SUCLG1: variants seen among roughly 807,000 people sequenced by gnomAD.
The protein encoded by SUCLG1 is succinate--CoA ligase [ADP/GDP-forming] subunit alpha, mitochondrial.
In SUCLG1, 26 loss-of-function variants were observed where a neutral mutation model predicts 37.3. The ratio of observed to expected loss-of-function variants is 0.70; its 90% CI spans 0.51 to 0.97. The LOEUF is 0.97. Ranked by LOEUF, SUCLG1 falls within the 50% of genes least tolerant of loss-of-function variation. The pLI, the probability that SUCLG1 is intolerant of heterozygous loss-of-function variation, is 0.00. For missense variants in SUCLG1, 433 were observed against 432.9 expected (o/e 1.00, Z 0.00); for synonymous variants, 163 against 155.6 (o/e 1.05, Z -0.36).
chr2:84,436,602 A>C (rs1672690427), intron 5 of SUCLG1, among the ~76,000 whole-genome samples: 1 of 152,244 alleles, frequency 6.6e-6, no homozygotes, highest in East Asian at 1.9e-4. Context: ...GAAAAAAGGG[A>C]AGGATAAATT....
chr2:84,450,425 A>C (rs1672922657), intron 1 of SUCLG1, among the ~76,000 whole-genome samples: 2 of 151,952 alleles, frequency 1.3e-5, no homozygotes, highest in African/African-American at 2.4e-5. Context: ...AAAAAAAAAA[A>C]AAAAACCCTA....
At chr2:84,430,283 T>C (rs1672595717) in intron 7 of SUCLG1, among the ~76,000 whole-genome samples, 1 of 152,170 alleles carries the variant, frequency 6.6e-6, no homozygotes, top group African/African-American at 2.4e-5. Context: ...AACTTCGCAG[T>C]CCTTACAATA....
chr2:84,458,103 A>T (rs998179550), intron 1 of SUCLG1, among the ~76,000 whole-genome samples: 18 of 151,888 alleles, frequency 1.2e-4, no homozygotes, highest in Admixed American at 6.6e-5. Context: ...GATGCTTTAT[A>T]TAAATTGCTC....
At position 84,425,482 on chromosome 2, in the gene SUCLG1, G is replaced by C; in HGVS notation, c.947C>G (p.Ser316Cys). 1.9e-6 allele frequency: 3 copies of C among 1,614,210 alleles called. No individual in the cohort carries two copies. In the South Asian group the frequency reaches 3.3e-5, roughly 18 times the overall value. Reference sequence around the variant, plus strand: ...CACAACTCCTGCACTCTGAAGGGCAGAGATCTTCTCTTTAGCTCCACCTTT... The same window carrying C: ...CACAACTCCTGCACTCTGAAGGGCACAGATCTTCTCTTTAGCTCCACCTTT... ...GGKGGAKEKI[S>C]ALQSAGVVVS... Residue 316 changes from serine (S) to cysteine (C), a missense_variant, in exon 8 of 9, where the codon TCT becomes TGT. Transcript: ENST00000393868.
At chr2:84,441,652 A>G (rs1278423757) in intron 3 of SUCLG1, among the ~76,000 whole-genome samples, 193 bp from the exon 4 acceptor site, 4 of 152,168 alleles carry the variant, frequency 2.6e-5, no homozygotes, top group Non-Finnish European at 4.4e-5. Flanking sequence ...TTCTCAGCCC[A>G]TTTGAATGCC....
chr2:84,445,280 C>T (rs556118292), intron 2 of SUCLG1, among the ~76,000 whole-genome samples: 31 of 152,298 alleles, frequency 2.0e-4, no homozygotes, highest in Non-Finnish European at 3.8e-4. Context: ...TGGCTTCAGC[C>T]GGTCCCTCCG....
At chr2:84,425,903 G>A in intron 7 of SUCLG1, 1 of 398,090 alleles carries the variant, frequency 2.5e-6, no homozygotes, top group Non-Finnish European at 4.7e-6. Context: ...AGAGCATACT[G>A]GAAAATATGA....
chr2:84,423,570 A>G lies in SUCLG1; in HGVS notation c.*176T>C, dbSNP rs1443309393. ...ATTTATTGGCTGTCTCTGTAATACA[A>G]TGTGGTGAAAACATCTTAATTCAGG... On this transcript the variant is annotated 3_prime_UTR_variant, in exon 9 of 9. Transcript: ENST00000393868. 1.2e-5 allele frequency: 8 copies of G among 679,962 alleles called. No homozygotes were observed. In the East Asian group the frequency reaches 1.6e-4, roughly 14 times the overall value. The allele number at this position is 679,962 out of a possible 1,614,324, so 42.1% of individuals were successfully genotyped here. A position where few individuals can be genotyped will look rare whatever the true frequency, so the allele number is the denominator to read the frequency against.
chr2:84,431,565 A>G lies in SUCLG1; in HGVS notation c.768T>C (p.Gly256=), dbSNP rs1239390945. Residue 256 remains glycine, a synonymous_variant, in exon 7 of 9, where the codon GGT becomes GGC. Coordinates refer to ENST00000393868, the MANE Select transcript of SUCLG1 (RefSeq NM_003849.4). ...TCTCTTCTGCATTACCACCAATTTCACCAATCAATATGATGCCTTCTGTGG... is the reference window on the plus strand; with the variant it reads ...TCTCTTCTGCATTACCACCAATTTCGCCAATCAATATGATGCCTTCTGTGG... The part of the protein sequence containing the change: ...DSATEGIILI[G]EIGGNAEENA... 1 of 1,614,046 alleles carries G rather than the reference A, an allele frequency of 6.2e-7. No individual in the cohort carries two copies.
Position 84,436,204 on chromosome 2 carries a change from G to A in SUCLG1, c.590-2769C>T, listed in dbSNP as rs7579686. On this transcript the variant is annotated intron_variant, in intron 5 of 8. Transcript: ENST00000393868. ...CTACAGGTAATTATTTTTTTCTAGT[G>A]TTACAGCAAACACTACTAAGTTTGA... Among the ~76,000 whole-genome samples the A allele has an allele frequency of 9.3e-3, 1,409 of 152,180 alleles. 20 individuals are homozygous for A. Among genetic ancestry groups the A allele is most frequent in the African/African-American group, 0.033 (1,357 of 41,502 alleles).
intron 5 of SUCLG1, among the ~76,000 whole-genome samples, chr2:84,435,483 G>A (rs974748905): frequency 3.3e-5 from 5 of 152,168 alleles, no homozygotes; most frequent in African/African-American, 1.2e-4. Flanking sequence ...ACGTAAGAAT[G>A]TTAGGCAGAT....
chr2:84,445,739 G>C (rs1354016755), intron 2 of SUCLG1, among the ~76,000 whole-genome samples: 1 of 152,090 alleles, frequency 6.6e-6, no homozygotes, highest in Admixed American at 6.5e-5. Context: ...TATCACCTTG[G>C]TCTAAGTCAC....
intron 1 of SUCLG1, among the ~76,000 whole-genome samples, chr2:84,451,364 T>A (rs1239282223): frequency 6.6e-6 from 1 of 152,244 alleles, no homozygotes; most frequent in Non-Finnish European, 1.5e-5. Flanking sequence ...ATGATCAGGA[T>A]ATCTGGAGTC....
intron 3 of SUCLG1, among the ~76,000 whole-genome samples, chr2:84,441,831 G>GA (rs1228576040): frequency 1.3e-5 from 2 of 152,048 alleles, no homozygotes; most frequent in Non-Finnish European, 2.9e-5. Context: ...AACAGAGGGG[G>GA]AGACACAAAA....
Position 84,447,349 on chromosome 2 carries a change from G to C in SUCLG1, c.201+2300C>G, listed in dbSNP as rs866353345. Reference sequence around the variant, plus strand: ...TGAATGAGAAACAATGTTAACTGCAGGTAACTGAAAAACGCTGTAACTACC... The same window carrying C: ...TGAATGAGAAACAATGTTAACTGCACGTAACTGAAAAACGCTGTAACTACC... On this transcript the variant is annotated intron_variant, in intron 2 of 8. Coordinates refer to ENST00000393868, the MANE Select transcript of SUCLG1 (RefSeq NM_003849.4). 2.6e-5 allele frequency among the ~76,000 whole-genome samples: 4 copies of C among 152,122 alleles called. No homozygotes were observed. In the South Asian group the frequency reaches 6.2e-4, roughly 24 times the overall value.
In SUCLG1 at chr2:84,442,716, G is replaced by A. The variant is rs186495488; in HGVS notation, c.318+568C>T. ...AACTATTAAGAAATCAGCAGTTTGC[G>A]GAGAATCTAGGACACTGTGATTTGT... On this transcript the variant is annotated intron_variant, in intron 3 of 8. Transcript: ENST00000393868. 1.0e-3 allele frequency among the ~76,000 whole-genome samples: 154 copies of A among 152,186 alleles called. 1 individual carries two copies. The highest frequency in any genetic ancestry group is 3.4e-3 in the Middle Eastern group (1 of 294).
intron 5 of SUCLG1, among the ~76,000 whole-genome samples, chr2:84,435,746 C>T (rs973566610): frequency 1.3e-5 from 2 of 152,160 alleles, no homozygotes; most frequent in East Asian, 1.9e-4. Context: ...CCCTCTCATG[C>T]CCCCCTCATG....
intron 1 of SUCLG1, among the ~76,000 whole-genome samples, chr2:84,455,369 C>A (rs1673001541): frequency 6.6e-6 from 1 of 152,120 alleles, no homozygotes; most frequent in South Asian, 2.1e-4. Flanking sequence ...TGGCACATGC[C>A]TGTAATCCCA....
chr2:84,441,118 T>C lies in SUCLG1; in HGVS notation c.532-14A>G, dbSNP rs766447883. The C allele has an allele frequency of 1.6e-5, 26 of 1,613,842 alleles. No homozygotes were observed. The highest frequency in any genetic ancestry group is 6.6e-5 in the South Asian group (6 of 91,078). On this transcript the variant is annotated splice_polypyrimidine_tract_variant and intron_variant, in intron 4 of 8. Coordinates refer to ENST00000393868, the MANE Select transcript of SUCLG1 (RefSeq NM_003849.4). Reference sequence around the variant, plus strand: ...ACATTCTCCAGGCTGAAAGTAATCATAGTTTTCAGAAATGTTAAAAAAAAA... The same window carrying C: ...ACATTCTCCAGGCTGAAAGTAATCACAGTTTTCAGAAATGTTAAAAAAAAA...
Sources: gnomAD v4.1 joint callset for allele counts (sites outside exome capture counted in the v4.1 genomes callset) on GRCh38, gnomAD v4.1.1 for gene constraint, MANE v1.5 for transcripts, NCBI Gene and HGNC (gene_info 2026-07-23, HGNC 2026-07-21) for gene names.